SH3GL2: variants seen among roughly 807,000 people sequenced by gnomAD.
SH3GL2 encodes endophilin-A1.
Under a neutral mutation model 46.0 loss-of-function variants are expected in SH3GL2, and 24 were observed. The ratio of observed to expected loss-of-function variants is 0.52; its 90% CI spans 0.38 to 0.73. The LOEUF is 0.73. SH3GL2 is among the 30% of genes least tolerant of loss of function. The probability of loss-of-function intolerance (pLI) is 0.00; values close to 1 mark genes in which losing one functional copy is unlikely to be tolerated. For synonymous variants in SH3GL2, 196 were observed against 147.1 expected (o/e 1.33, Z -2.40); for missense variants, 413 against 424.2 (o/e 0.97, Z 0.23).
At position 17,665,585 on chromosome 9, in the gene SH3GL2, A is replaced by T. The variant is rs547853885; in HGVS notation, c.46-81481A>T. 3.9e-5 allele frequency among the ~76,000 whole-genome samples: 6 copies of T among 152,032 alleles called. No homozygotes were observed. The East Asian group carries it at 9.6e-4, about 24-fold the overall frequency. On this transcript the variant is annotated intron_variant, in intron 1 of 8. Transcript: ENST00000380607. ...TTATAAACTATTACTGTCAACATTT[A>T]TTCTGATGCTCAAATTGTTACAAAT...
At chr9:17,592,102 T>C (rs1229258630) in intron 1 of SH3GL2, among the ~76,000 whole-genome samples, 1 of 152,094 alleles carries the variant, frequency 6.6e-6, no homozygotes, top group African/African-American at 2.4e-5. Context: ...TGTAATACAG[T>C]CCAAGTCCAA....
chr9:17,764,621 T>C, intron 3 of SH3GL2, among the ~76,000 whole-genome samples: 1 of 151,932 alleles, frequency 6.6e-6, no homozygotes, highest in Non-Finnish European at 1.5e-5. Flanking sequence ...TCAGTAGGAT[T>C]TGATGCTTCG....
intron 1 of SH3GL2, among the ~76,000 whole-genome samples, chr9:17,593,327 A>G (rs1199558819): frequency 3.3e-5 from 5 of 152,118 alleles, no homozygotes; most frequent in Admixed American, 2.0e-4. Context: ...CGAGCCCTCA[A>G]CCTGTGGGAT....
At chr9:17,778,353 T>A (rs891494201) in intron 3 of SH3GL2, among the ~76,000 whole-genome samples, 1 of 152,096 alleles carries the variant, frequency 6.6e-6, no homozygotes, top group Non-Finnish European at 1.5e-5. Flanking sequence ...AGGATGAGAC[T>A]GATAGAGAAT....
At chr9:17,676,596 A>G (rs1820618016) in intron 1 of SH3GL2, among the ~76,000 whole-genome samples, 1 of 152,156 alleles carries the variant, frequency 6.6e-6, no homozygotes, top group Admixed American at 6.6e-5. Context: ...ACAGAGCAAG[A>G]CTCTGTCTCA....
At chr9:17,784,241 T>C (rs1322944209) in intron 3 of SH3GL2, among the ~76,000 whole-genome samples, 1 of 152,154 alleles carries the variant, frequency 6.6e-6, no homozygotes, top group African/African-American at 2.4e-5. Flanking sequence ...CTCTTCATAA[T>C]TGAACAACAT....
chr9:17,650,843 GTTTA>G (rs1281887341), intron 1 of SH3GL2, among the ~76,000 whole-genome samples: 3 of 152,270 alleles, frequency 2.0e-5, no homozygotes, highest in Non-Finnish European at 4.4e-5. Flanking sequence ...CATTAGGAGA[GTTTA>G]TTGTTTTATG....
intron 1 of SH3GL2, among the ~76,000 whole-genome samples, chr9:17,641,117 TG>T (rs1189192418): frequency 6.6e-6 from 1 of 152,218 alleles, no homozygotes; most frequent in Non-Finnish European, 1.5e-5. Context: ...GAGCCTTTTT[TG>T]GGGTGGCTCC....
At chr9:17,704,430 G>GAA (rs34599554) in intron 1 of SH3GL2, among the ~76,000 whole-genome samples, 1 of 149,680 alleles carries the variant, frequency 6.7e-6, no homozygotes, top group Non-Finnish European at 1.5e-5. Flanking sequence ...CACAGAATTA[G>GAA]AAAAAAAAAA....
intron 1 of SH3GL2, among the ~76,000 whole-genome samples, chr9:17,724,098 T>G (rs72614241): frequency 0.066 from 10,090 of 152,136 alleles, 457 homozygotes; most frequent in Admixed American, 0.13. Context: ...TCTCATCTCC[T>G]TCTTGTATTT....
rs1322577523 is a variant in SH3GL2 at position 17,786,425 on chromosome 9, C to T, written c.232C>T (p.Arg78Cys). 3.1e-6 allele frequency: 5 copies of T among 1,613,302 alleles called. No homozygotes were observed. The highest frequency in any genetic ancestry group is 4.2e-6 in the Non-Finnish European group (5 of 1,179,580). Residue 78 changes from arginine to cysteine, a missense_variant, in exon 4 of 9, where the codon CGT (arginine) becomes TGT (cysteine). By Grantham distance (180) the Arg-to-Cys change is radical (BLOSUM62 -3). This residue lies in a region of SH3GL2 where 160 missense variants were observed against 192.3 expected (regional missense o/e 0.83). Coordinates refer to ENST00000380607, the MANE Select transcript of SH3GL2 (RefSeq NM_003026.5). ...LSMINTMSKI[R>C]GQEKGPGYPQ... ...CATGATCAACACCATGTCAAAAATC[C>T]GTGGCCAGGAGAAGGGGCCAGGCTA... is the stretch of plus-strand genomic sequence containing the variant.
chr9:17,781,565 A>G (rs190295262), intron 3 of SH3GL2, among the ~76,000 whole-genome samples: 3 of 152,206 alleles, frequency 2.0e-5, no homozygotes, highest in Admixed American at 2.0e-4. Flanking sequence ...TTTCTGATGG[A>G]TATACACCTA....
At chr9:17,627,168 G>A (rs1357094144) in intron 1 of SH3GL2, among the ~76,000 whole-genome samples, 2 of 152,118 alleles carry the variant, frequency 1.3e-5, no homozygotes, top group Non-Finnish European at 2.9e-5. Flanking sequence ...TACACTCAAG[G>A]AATAAAACGT....
intron 2 of SH3GL2, among the ~76,000 whole-genome samples, chr9:17,754,509 T>G (rs1285830298): frequency 6.6e-6 from 1 of 151,890 alleles, no homozygotes; most frequent in Admixed American, 6.6e-5. Flanking sequence ...CTGACTCTAC[T>G]AAATATACAA....
chr9:17,682,441 C>A (rs970170434), intron 1 of SH3GL2, among the ~76,000 whole-genome samples: 1 of 152,052 alleles, frequency 6.6e-6, no homozygotes, highest in African/African-American at 2.4e-5. Context: ...CCATCATCCT[C>A]AGCAAACTCA....
At position 17,769,334 on chromosome 9, in the gene SH3GL2, ATTTAC is replaced by A. The variant is rs566838321; in HGVS notation, c.187+7830_187+7834del. ...ATTCTTTTATTGCACTTTTCATAAT[ATTTAC>A]TTTATGCAACTTATGATTTGTTCAC... On this transcript the variant is annotated intron_variant, in intron 3 of 8. Transcript: ENST00000380607. Among the ~76,000 whole-genome samples, 831 of 152,186 alleles carry A rather than the reference ATTTAC, an allele frequency of 5.5e-3. 10 individuals carry two copies. The highest frequency in any genetic ancestry group is 0.019 in the African/African-American group (798 of 41,504).
chr9:17,751,470 T>TTGTG (rs1554646584), intron 2 of SH3GL2, among the ~76,000 whole-genome samples: 12 of 132,926 alleles, frequency 9.0e-5, no homozygotes, highest in African/African-American at 1.2e-4. Context: ...GTGTGTGTTT[T>TTGTG]TGTGTGTGCG....
chr9:17,628,512 A>C (rs1358936333), intron 1 of SH3GL2, among the ~76,000 whole-genome samples: 1 of 151,914 alleles, frequency 6.6e-6, no homozygotes, highest in African/African-American at 2.4e-5. Context: ...ACCAGATGAA[A>C]TGTGGCTTGC....
Position 17,640,406 on chromosome 9 carries a change from T to G in SH3GL2, c.45+61119T>G, listed in dbSNP as rs144733384. ...CCAATTTGCAGACCTTTTATTTATTTTTCCAAGGGCATTATTTCTACTATG... is the reference window on the plus strand; with the variant it reads ...CCAATTTGCAGACCTTTTATTTATTGTTCCAAGGGCATTATTTCTACTATG... On this transcript the variant is annotated intron_variant, in intron 1 of 8. Coordinates refer to ENST00000380607, the MANE Select transcript of SH3GL2 (RefSeq NM_003026.5). Among the ~76,000 whole-genome samples, 196 of 152,322 alleles carry G rather than the reference T, an allele frequency of 1.3e-3. 1 individual carries two copies. The highest frequency in any genetic ancestry group is 4.0e-3 in the African/African-American group (167 of 41,568).
Sources: allele counts gnomAD v4.1 joint callset (sites outside exome capture counted in the v4.1 genomes callset), GRCh38; gene constraint gnomAD v4.1.1; regional missense constraint gnomAD v4.1.1; transcripts MANE v1.5; gene names NCBI Gene and HGNC (gene_info 2026-07-23, HGNC 2026-07-21).